The following ADAMTSL1 variants were observed in gnomAD, a reference collection of about 807,000 sequenced individuals.
ADAMTSL1 encodes the protein ADAMTS-like protein 1.
ADAMTSL1 carries 126 observed loss-of-function variants against 201.8 expected under a neutral mutation model. The ratio of observed to expected loss-of-function variants is 0.62; its 90% CI spans 0.54 to 0.72. The LOEUF (loss-of-function observed/expected upper bound fraction) is 0.72. Among genes scored for constraint, ADAMTSL1 ranks in the 30% least tolerant of loss-of-function variants. ADAMTSL1 has a pLI of 0.00. For synonymous variants in ADAMTSL1, 1,121 were observed against 903.4 expected, an observed-to-expected ratio of 1.24 and a Z score of -4.32; for missense variants, 2,679 against 2,277.8, an observed-to-expected ratio of 1.18 and a Z score of -3.59.
At chr9:18,893,073 C>A (rs1829392819) in intron 26 of ADAMTSL1, among the ~76,000 whole-genome samples, 1 of 151,856 alleles carries the variant, frequency 6.6e-6, no homozygotes, top group Non-Finnish European at 1.5e-5. Flanking sequence ...ACATACCTAG[C>A]TGGAGACTCC....
At chr9:18,505,002 C>A in intron 2 of ADAMTSL1, 46 bp downstream of exon 2, 1 of 1,572,796 alleles carries the variant, frequency 6.4e-7, no homozygotes, top group African/African-American at 1.4e-5. Context: ...CCAGAGGTAG[C>A]CGGTTTGAGG....
At chr9:18,359,639 C>T (rs1447124040) in intron 2 of ADAMTSL1, among the ~76,000 whole-genome samples, 2 of 152,172 alleles carry the variant, frequency 1.3e-5, no homozygotes, top group Admixed American at 6.5e-5. Flanking sequence ...CTGCTTTCTT[C>T]TGCACCAAGA....
At chr9:17,985,333 A>G (rs747680280) in intron 1 of ADAMTSL1, among the ~76,000 whole-genome samples, 4 of 152,154 alleles carry the variant, frequency 2.6e-5, no homozygotes, top group Non-Finnish European at 5.9e-5. Context: ...CAAACGTTAA[A>G]ACTTTAAATG....
At chr9:18,546,833 A>G (rs1820499171) in intron 3 of ADAMTSL1, among the ~76,000 whole-genome samples, 1 of 152,148 alleles carries the variant, frequency 6.6e-6, no homozygotes, top group South Asian at 2.1e-4. Flanking sequence ...TATTTCATTC[A>G]AAACAAGTCT....
chr9:18,659,503 G>A (rs1407632963), intron 8 of ADAMTSL1, among the ~76,000 whole-genome samples: 2 of 152,200 alleles, frequency 1.3e-5, no homozygotes, highest in African/African-American at 2.4e-5. Context: ...AGTGGCTCAC[G>A]CCTGTAATCC....
chr9:18,707,927 C>G (rs1587945594), intron 14 of ADAMTSL1, among the ~76,000 whole-genome samples: 2 of 152,170 alleles, frequency 1.3e-5, no homozygotes, highest in African/African-American at 4.8e-5. Flanking sequence ...TACGAACTTT[C>G]TTCCCACACT....
intron 1 of ADAMTSL1, among the ~76,000 whole-genome samples, chr9:18,017,949 C>G (rs912232185): frequency 6.6e-6 from 1 of 152,014 alleles, no homozygotes. Flanking sequence ...ATACCATTAT[C>G]TTTGTTGTTC....
chr9:18,440,605 A>G (rs1819953418), intron 2 of ADAMTSL1, among the ~76,000 whole-genome samples: 1 of 149,414 alleles, frequency 6.7e-6, no homozygotes, highest in East Asian at 1.9e-4. Context: ...GATGTATAAT[A>G]TATATATATT....
At chr9:17,996,031 G>C (rs946992806) in intron 1 of ADAMTSL1, among the ~76,000 whole-genome samples, 1 of 152,012 alleles carries the variant, frequency 6.6e-6, no homozygotes, top group Non-Finnish European at 1.5e-5. Context: ...ATAAATGTGG[G>C]TTGTTATTAC....
chr9:18,623,366 A>G (rs1587728748), intron 5 of ADAMTSL1, among the ~76,000 whole-genome samples: 1 of 152,194 alleles, frequency 6.6e-6, no homozygotes, highest in Non-Finnish European at 1.5e-5. Flanking sequence ...TATGGATGAG[A>G]TAACTGAAGC....
At chr9:18,531,636 G>A (rs1819453653) in intron 2 of ADAMTSL1, among the ~76,000 whole-genome samples, 1 of 152,034 alleles carries the variant, frequency 6.6e-6, no homozygotes, top group Non-Finnish European at 1.5e-5. Flanking sequence ...TTTCCTTCTG[G>A]TAACATTCTC....
chr9:18,168,117 A>G (rs1301483906), intron 2 of ADAMTSL1, among the ~76,000 whole-genome samples: 1 of 151,692 alleles, frequency 6.6e-6, no homozygotes, highest in Non-Finnish European at 1.5e-5. Flanking sequence ...TTTCTTAACT[A>G]GTTTTTTTTT....
At chr9:18,704,651 AT>A (rs946685457) in intron 13 of ADAMTSL1, among the ~76,000 whole-genome samples, 12 of 152,164 alleles carry the variant, frequency 7.9e-5, no homozygotes, top group African/African-American at 2.9e-4. Context: ...GTGGATGTGG[AT>A]GTGTAATAAA....
intron 5 of ADAMTSL1, among the ~76,000 whole-genome samples, chr9:18,625,775 G>A (rs188146159): frequency 6.6e-5 from 10 of 152,218 alleles, no homozygotes; most frequent in South Asian, 2.1e-4. Context: ...CAGAACTCTC[G>A]TCTGTATCTG....
At chr9:18,468,052 C>G (rs950071513) in intron 2 of ADAMTSL1, among the ~76,000 whole-genome samples, 2 of 152,088 alleles carry the variant, frequency 1.3e-5, no homozygotes, top group African/African-American at 4.8e-5. Context: ...TAATTCAAAC[C>G]TCAACAATTA....
intron 2 of ADAMTSL1, among the ~76,000 whole-genome samples, chr9:18,191,360 C>T (rs751592403): frequency 6.6e-5 from 10 of 152,180 alleles, no homozygotes; most frequent in Non-Finnish European, 1.3e-4. Flanking sequence ...CTGAGGAGGA[C>T]AGGCCCTGCA....
intron 1 of ADAMTSL1, among the ~76,000 whole-genome samples, chr9:18,068,490 A>G (rs910623338): frequency 1.3e-5 from 2 of 152,168 alleles, no homozygotes; most frequent in African/African-American, 2.4e-5. Flanking sequence ...TTAAACATGT[A>G]TGGATTTTGC....
At chr9:18,372,847 A>T (rs570115349) in intron 2 of ADAMTSL1, among the ~76,000 whole-genome samples, 1 of 152,300 alleles carries the variant, frequency 6.6e-6, no homozygotes, top group Non-Finnish European at 1.5e-5. Context: ...ATAATAAAAT[A>T]ATAACCATAG....
At chr9:18,644,174 T>A (rs1827629822) in intron 7 of ADAMTSL1, among the ~76,000 whole-genome samples, 1 of 151,988 alleles carries the variant, frequency 6.6e-6, no homozygotes, top group African/African-American at 2.4e-5. Context: ...TTTTGAATGG[T>A]TTGATATTAG....
Sources: allele counts gnomAD v4.1 joint callset (sites outside exome capture counted in the v4.1 genomes callset), GRCh38; gene constraint gnomAD v4.1.1; transcripts MANE v1.5; gene names NCBI Gene and HGNC (gene_info 2026-07-23, HGNC 2026-07-21).